GRIA2: variants seen among roughly 807,000 people sequenced by gnomAD.
The protein encoded by GRIA2 is glutamate ionotropic receptor AMPA type subunit 2.
In GRIA2, 14 loss-of-function variants were observed where a neutral mutation model predicts 97.3. That is an observed-to-expected ratio of 0.14 (90% CI 0.10 to 0.23). GRIA2 has a LOEUF of 0.23. GRIA2 is among the 10% of genes least tolerant of loss of function. GRIA2 has a pLI of 1.00. For synonymous variants in GRIA2, 412 were observed against 387.8 expected (o/e 1.06, Z -0.73); for missense variants, 558 against 1,069.8 (o/e 0.52, Z 6.67).
intron 12 of GRIA2, among the ~76,000 whole-genome samples, chr4:157,353,624 C>G (rs1314138981): frequency 6.6e-6 from 1 of 151,284 alleles, no homozygotes; most frequent in Non-Finnish European, 1.5e-5. Flanking sequence ...TGCAGTGAGC[C>G]GAGATAGGAG....
At chr4:157,286,159 T>A (rs1019861542) in intron 2 of GRIA2, among the ~76,000 whole-genome samples, 1 of 151,578 alleles carries the variant, frequency 6.6e-6, no homozygotes, top group African/African-American at 2.4e-5. Flanking sequence ...ATGTAGAAAC[T>A]ATCATTATCT....
intron 2 of GRIA2, among the ~76,000 whole-genome samples, chr4:157,300,885 G>T (rs1214612564): frequency 6.6e-6 from 1 of 152,036 alleles, no homozygotes; most frequent in Non-Finnish European, 1.5e-5. Context: ...TCACTCCAGG[G>T]CCTAAAACAA....
chr4:157,234,028 A>T (rs1415368665), intron 2 of GRIA2, among the ~76,000 whole-genome samples: 1 of 152,186 alleles, frequency 6.6e-6, no homozygotes, highest in Non-Finnish European at 1.5e-5. Flanking sequence ...ATATTTGAAT[A>T]AACAGACATG....
intron 2 of GRIA2, among the ~76,000 whole-genome samples, chr4:157,258,326 A>C (rs1248974805): frequency 6.6e-6 from 1 of 151,994 alleles, no homozygotes; most frequent in Admixed American, 6.6e-5. Context: ...AAGAGAATGC[A>C]TTCCTAGGGG....
chr4:157,221,046 C>A lies in GRIA2; in HGVS notation c.4C>A (p.Gln2Lys), dbSNP rs993511881. The A allele has an allele frequency of 5.8e-6, 9 of 1,555,030 alleles. No individual in the cohort carries two copies. Among genetic ancestry groups the A allele is most frequent in the Non-Finnish European group, 8.0e-6 (9 of 1,126,352 alleles). M[Q>K]KIMHISVLLS... ...GGATGCTCTACTTTTCTTGGAAATG[C>A]AAAAGATTATGCATATTTCTGTCCT... Residue 2 changes from glutamine (Q) to lysine (K), a missense_variant, in exon 1 of 16, where the codon CAA (glutamine) becomes AAA (lysine). Coordinates refer to ENST00000264426, the MANE Select transcript of GRIA2 (RefSeq NM_001083619.3).
intron 2 of GRIA2, among the ~76,000 whole-genome samples, chr4:157,279,983 G>A (rs1292746235): frequency 6.6e-6 from 1 of 152,034 alleles, no homozygotes; most frequent in Non-Finnish European, 1.5e-5. Flanking sequence ...AAATCAGCCG[G>A]GCATGGTGGT....
chr4:157,271,482 G>T (rs376843960), intron 2 of GRIA2, among the ~76,000 whole-genome samples: 1 of 152,012 alleles, frequency 6.6e-6, no homozygotes, highest in Non-Finnish European at 1.5e-5. Context: ...TACATTTACA[G>T]GTTTATTATA....
chr4:157,360,694 T>G, intron 13 of GRIA2: 3 of 494,706 alleles, frequency 6.1e-6, no homozygotes, highest in Non-Finnish European at 7.9e-6. Context: ...ATTTTGTCGT[T>G]TGTTTTTTTT....
intron 3 of GRIA2, among the ~76,000 whole-genome samples, chr4:157,309,204 A>G (rs1383876256): frequency 6.6e-6 from 1 of 152,160 alleles, no homozygotes; most frequent in Non-Finnish European, 1.5e-5. Context: ...TAGTTTCTTA[A>G]TAATATGTAA....
intron 3 of GRIA2, among the ~76,000 whole-genome samples, chr4:157,311,882 AGTT>A (rs1303515362): frequency 6.6e-6 from 1 of 152,090 alleles, no homozygotes; most frequent in Non-Finnish European, 1.5e-5. Flanking sequence ...TAAATCCTCT[AGTT>A]GTTGTAACTC....
At chr4:157,340,647 T>C (rs1735506653) in intron 11 of GRIA2, among the ~76,000 whole-genome samples, 1 of 151,954 alleles carries the variant, frequency 6.6e-6, no homozygotes, top group East Asian at 1.9e-4. Flanking sequence ...ATCTGATTTT[T>C]ATTCATTAAT....
chr4:157,340,268 A>G (rs1052295097), intron 11 of GRIA2, among the ~76,000 whole-genome samples: 6 of 151,994 alleles, frequency 3.9e-5, no homozygotes, highest in African/African-American at 1.4e-4. Context: ...TGTTAGACAT[A>G]GTAGAGTTAT....
chr4:157,257,583 C>T (rs992485156), intron 2 of GRIA2, among the ~76,000 whole-genome samples: 2 of 152,176 alleles, frequency 1.3e-5, no homozygotes, highest in Admixed American at 6.6e-5. Context: ...TCATTCATCA[C>T]GACACTTCAG....
intron 6 of GRIA2, among the ~76,000 whole-genome samples, chr4:157,327,324 A>G (rs1464539381): frequency 1.3e-5 from 2 of 152,082 alleles, no homozygotes; most frequent in Non-Finnish European, 2.9e-5. Flanking sequence ...ATGAAATATG[A>G]TTTAGATTTC....
chr4:157,240,840 C>T (rs542283303), intron 2 of GRIA2, among the ~76,000 whole-genome samples: 111 of 152,062 alleles, frequency 7.3e-4, no homozygotes, highest in Non-Finnish European at 1.3e-3. Flanking sequence ...GGTATATCTC[C>T]CAATGCTATC....
chr4:157,353,717 AAAC>A (rs1296940367), intron 12 of GRIA2, among the ~76,000 whole-genome samples: 1 of 152,050 alleles, frequency 6.6e-6, no homozygotes, highest in Non-Finnish European at 1.5e-5. Context: ...AAAAACAAAA[AAAC>A]CTTATAGTTA....
rs11416827 is a variant in GRIA2, at chr4:157,256,254, A to ATATTATATATAATATATAAT, written c.229+34447_229+34448insTATTATATATAATATATAAT. The stretch of plus-strand genomic sequence containing the variant: ...ATATAATATATATATATAATATATA[A>ATATTATATATAATATATAAT]ATTATATATTACATATATATGTTAT... On this transcript the variant is annotated intron_variant, in intron 2 of 15. Coordinates refer to ENST00000264426, the MANE Select transcript of GRIA2 (RefSeq NM_001083619.3). Among the ~76,000 whole-genome samples, 86 of 106,628 alleles carry ATATTATATATAATATATAAT rather than the reference A, an allele frequency of 8.1e-4. 1 individual carries two copies. The highest frequency in any genetic ancestry group is 2.8e-3 in the African/African-American group (77 of 27,348). The allele number at this position is 106,628 out of a possible 152,430, so 70.0% of individuals were successfully genotyped here.
At chr4:157,278,918 C>T (rs1353266399) in intron 2 of GRIA2, among the ~76,000 whole-genome samples, 1 of 151,996 alleles carries the variant, frequency 6.6e-6, no homozygotes, top group Non-Finnish European at 1.5e-5. Flanking sequence ...CCACTACATG[C>T]TTATTAGGAT....
chr4:157,275,989 C>G (rs1324849168), intron 2 of GRIA2, among the ~76,000 whole-genome samples: 1 of 152,064 alleles, frequency 6.6e-6, no homozygotes, highest in Non-Finnish European at 1.5e-5. Flanking sequence ...ATTCTTCCAA[C>G]CCATGAGCAT....
Sources: allele counts gnomAD v4.1 joint callset (sites outside exome capture counted in the v4.1 genomes callset), GRCh38; gene constraint gnomAD v4.1.1; transcripts MANE v1.5; gene names NCBI Gene and HGNC (gene_info 2026-07-23, HGNC 2026-07-21).